CCNT1: variants seen among roughly 807,000 people sequenced by gnomAD.
CCNT1 encodes the protein cyclin T1.
A neutral mutation model predicts 67.3 loss-of-function variants in CCNT1; 18 were observed. The ratio of observed to expected loss-of-function variants is 0.27; its 90% CI spans 0.18 to 0.40. The LOEUF is 0.40. Ranked by LOEUF, CCNT1 falls within the 10% of genes least tolerant of loss-of-function variation. CCNT1 has a pLI of 1.00. For missense variants in CCNT1, 744 were observed against 884.9 expected, an observed-to-expected ratio of 0.84 and a Z score of 2.02; for synonymous variants, 333 against 310.3, an observed-to-expected ratio of 1.07 and a Z score of -0.77.
chr12:48,700,981 TA>T, intron 4 of CCNT1, 31 bp downstream of exon 4: 10 of 1,304,864 alleles, frequency 7.7e-6, no homozygotes, highest in Non-Finnish European at 7.6e-6. Flanking sequence ...TTGCATAATT[TA>T]AAAAAATGTT....
intron 6 of CCNT1, among the ~76,000 whole-genome samples, chr12:48,697,534 A>AAAAAAAAAAAAAATATAT (rs1288926072): frequency 4.6e-5 from 6 of 130,708 alleles, no homozygotes; most frequent in African/African-American, 1.2e-4. Flanking sequence ...AAAAAAAAAA[A>AAAAAAAAAAAAAATATAT]ATATATATAT....
At chr12:48,714,971 C>G (rs1449166523) in intron 1 of CCNT1, among the ~76,000 whole-genome samples, 2 of 152,100 alleles carry the variant, frequency 1.3e-5, no homozygotes, top group Non-Finnish European at 2.9e-5. Flanking sequence ...CACCAACAGA[C>G]CTGGCTACTT....
At position 48,716,707 on chromosome 12, in the gene CCNT1, T is replaced by C. The variant is rs748377090; in HGVS notation, c.-32A>G. 2.5e-6 allele frequency: 4 copies of C among 1,605,334 alleles called. No individual in the cohort carries two copies. The highest frequency in any genetic ancestry group is 3.4e-6 in the Non-Finnish European group (4 of 1,173,944). On this transcript the variant is annotated 5_prime_UTR_variant, in exon 1 of 9. Transcript: ENST00000261900. Reference sequence around the variant, plus strand: ...TCAACCAGAAGGCAGCGGCGAAGGCTGCAGGCACTTCCCAGCGTCACCTAA... The same window carrying C: ...TCAACCAGAAGGCAGCGGCGAAGGCCGCAGGCACTTCCCAGCGTCACCTAA...
intron 2 of CCNT1, among the ~76,000 whole-genome samples, chr12:48,710,963 A>C (rs935023804): frequency 1.3e-5 from 2 of 152,096 alleles, no homozygotes; most frequent in African/African-American, 4.8e-5. Flanking sequence ...CGGGAGGCTG[A>C]GACAGGAGAA....
chr12:48,710,161 G>C (rs1278978774), intron 2 of CCNT1, among the ~76,000 whole-genome samples: 1 of 149,840 alleles, frequency 6.7e-6, no homozygotes, highest in Non-Finnish European at 1.5e-5. Context: ...CAAAGTGCTA[G>C]GATTACAGGC....
rs1565614052 is a variant in CCNT1, at chr12:48,691,388, C to T, written c.*1645G>A. On this transcript the variant is annotated 3_prime_UTR_variant, in exon 9 of 9. Transcript: ENST00000261900. ...AAAATCCTTGGCATGAAGTAAGCTG[C>T]AATCAAATCATGAAAACAAACTCAA... 1 of 152,104 alleles carries T rather than the reference C, an allele frequency of 6.6e-6. No individual in the cohort carries two copies. Among genetic ancestry groups the T allele is most frequent in the Non-Finnish European group, 1.5e-5 (1 of 68,008 alleles). 9.4% of individuals were successfully genotyped at this position (152,104 alleles called of 1,614,324 possible).
intron 1 of CCNT1, 86 bp downstream of exon 1, chr12:48,716,429 T>G: frequency 7.9e-7 from 1 of 1,270,434 alleles, no homozygotes; most frequent in East Asian, 2.5e-5. Flanking sequence ...CTTCCCCACT[T>G]TCGTCCCCCC....
At position 48,691,829 on chromosome 12, in the gene CCNT1, A is replaced by T. The variant is rs1940079208; in HGVS notation, c.*1204T>A. ...TTTCCCTTCGGATATACACATAAAA[A>T]GCATGTCTTACATTTATAATGTAAT... On this transcript the variant is annotated 3_prime_UTR_variant, in exon 9 of 9. Transcript: ENST00000261900. 6.6e-6 allele frequency: 1 copy of T among 152,230 alleles called. No homozygotes were observed. The highest frequency in any genetic ancestry group is 2.1e-4 in the South Asian group (1 of 4,832). 9.4% of individuals were successfully genotyped at this position (152,230 alleles called of 1,614,324 possible).
Position 48,691,325 on chromosome 12 carries a change from A to T in CCNT1, c.*1708T>A, listed in dbSNP as rs577466299. ...GCATAAGTACAACTCCTGTCTCCCT[A>T]TGACTTCCAAATGAAAAATAATTCG... On this transcript the variant is annotated 3_prime_UTR_variant, in exon 9 of 9. Coordinates refer to ENST00000261900, the MANE Select transcript of CCNT1 (RefSeq NM_001240.4). The T allele has an allele frequency of 6.6e-6, 1 of 152,148 alleles. No homozygotes were observed. Among genetic ancestry groups the T allele is most frequent in the Non-Finnish European group, 1.5e-5 (1 of 68,024 alleles). The allele number at this position is 152,148 out of a possible 1,614,324, so 9.4% of individuals were successfully genotyped here.
At position 48,691,243 on chromosome 12, in the gene CCNT1, A is replaced by G. The variant is rs1940067997; in HGVS notation, c.*1790T>C. 1 of 152,246 alleles carries G rather than the reference A, an allele frequency of 6.6e-6. No individual in the cohort carries two copies. The highest frequency in any genetic ancestry group is 6.5e-5 in the Admixed American group (1 of 15,274). The allele number at this position is 152,246 out of a possible 1,614,324, so 9.4% of individuals were successfully genotyped here. A position where few individuals can be genotyped will look rare whatever the true frequency, so the allele number is the denominator to read the frequency against. ...AAATTCCTTTCTATATTAGGCCAGT[A>G]CATCATCAATTCCAACAGCCACAAT... On this transcript the variant is annotated 3_prime_UTR_variant, in exon 9 of 9. Transcript: ENST00000261900.
intron 7 of CCNT1, 80 bp from the exon 8 acceptor site, chr12:48,695,909 A>G: frequency 6.6e-7 from 1 of 1,512,054 alleles, no homozygotes; most frequent in Non-Finnish European, 9.2e-7. Flanking sequence ...CTACTAACTA[A>G]CTATTTTCAT....
intron 3 of CCNT1, among the ~76,000 whole-genome samples, chr12:48,702,946 C>A (rs1266938422): frequency 3.9e-5 from 6 of 151,962 alleles, no homozygotes; most frequent in African/African-American, 9.7e-5. Context: ...CATGGTAAGA[C>A]CCCTATCTCT....
Position 48,693,621 on chromosome 12 carries a change from G to A in CCNT1, c.1593C>T (p.Ser531=). 6.2e-7 allele frequency: 1 copy of A among 1,614,148 alleles called. No homozygotes were observed. Among genetic ancestry groups the A allele is most frequent in the Non-Finnish European group, 8.5e-7 (1 of 1,180,036 alleles). ...HNHHSHKHSH[S]QLPVGTGNKR... is the part of the protein sequence containing the mutation. ...TGTTCCCAGTACCAACTGGAAGTTG[G>A]GAATGAGAGTGCTTGTGTGAGTGGT... The change falls in exon 9 of 9, where the codon TCC becomes TCT. Residue 531 remains serine, a synonymous_variant. Coordinates refer to ENST00000261900, the MANE Select transcript of CCNT1 (RefSeq NM_001240.4).
chr12:48,690,618 CTA>C lies in CCNT1; in HGVS notation c.*2413_*2414del, dbSNP rs1940057128. 6.6e-6 allele frequency: 1 copy of C among 152,174 alleles called. No individual in the cohort carries two copies. The highest frequency in any genetic ancestry group is 6.5e-5 in the Admixed American group (1 of 15,272). The allele number at this position is 152,174 out of a possible 1,614,324, so 9.4% of individuals were successfully genotyped here. A position where few individuals can be genotyped will look rare whatever the true frequency, so the allele number is the denominator to read the frequency against. On this transcript the variant is annotated 3_prime_UTR_variant, in exon 9 of 9. Coordinates refer to ENST00000261900, the MANE Select transcript of CCNT1 (RefSeq NM_001240.4). ...AACACAGAAAGGTCTCTAAACTGAC[CTA>C]TGTCAGCAATGATCTACTAGTGCAA...
intron 6 of CCNT1, chr12:48,697,853 A>ATATATATATAT (rs1489598845): frequency 1.6e-5 from 2 of 122,116 alleles, no homozygotes; most frequent in Admixed American, 8.2e-5. Context: ...AAAAAAAAAA[A>ATATATATATAT]AAATATATAT....
chr12:48,694,033 G>A lies in CCNT1; in HGVS notation c.1181C>T (p.Ala394Val), dbSNP rs144628875. The change falls in exon 9 of 9, where the codon GCG becomes GTG. Residue 394 changes from alanine (A) to valine (V), a missense_variant. Physicochemically the swap from Ala to Val is moderately conservative, Grantham distance 64. Transcript: ENST00000261900. ...SAKVSLKEYR[A>V]KHAEELAAQK... The stretch of plus-strand genomic sequence containing the variant: ...GGCAGCCAATTCTTCTGCATGCTTC[G>A]CGCGGTATTCTTTCAGTGACACTTT... 4.6e-5 allele frequency: 74 copies of A among 1,614,106 alleles called. No homozygotes were observed. The highest frequency in any genetic ancestry group is 1.6e-4 in the Middle Eastern group (1 of 6,062).
At chr12:48,695,140 A>C (rs1342907288) in intron 8 of CCNT1, among the ~76,000 whole-genome samples, 1 of 152,174 alleles carries the variant, frequency 6.6e-6, no homozygotes, top group Non-Finnish European at 1.5e-5. Context: ...GCCTACTTCT[A>C]ATCTCAGGCT....
intron 3 of CCNT1, among the ~76,000 whole-genome samples, chr12:48,704,636 C>A (rs1940326492): frequency 6.6e-6 from 1 of 152,194 alleles, no homozygotes; most frequent in African/African-American, 2.4e-5. Flanking sequence ...TGGTGAAACC[C>A]TGTCTCTGCT....
At position 48,690,191 on chromosome 12, in the gene CCNT1, G is replaced by A. The variant is rs1167306984; in HGVS notation, c.*2842C>T. The stretch of plus-strand genomic sequence containing the variant: ...TAAAAGCCTTAAGGACAATCCACAG[G>A]TATTTGTTTTTGCCAACACGAGTCT... On this transcript the variant is annotated 3_prime_UTR_variant, in exon 9 of 9. Transcript: ENST00000261900. 2 of 152,168 alleles carry A rather than the reference G, an allele frequency of 1.3e-5. No homozygotes were observed. The highest frequency in any genetic ancestry group is 2.1e-4 in the South Asian group (1 of 4,830). The allele number at this position is 152,168 out of a possible 1,614,324, so 9.4% of individuals were successfully genotyped here.
Sources: gnomAD v4.1 joint callset for allele counts (sites outside exome capture counted in the v4.1 genomes callset) on GRCh38, gnomAD v4.1.1 for gene constraint, MANE v1.5 for transcripts, NCBI Gene and HGNC (gene_info 2026-07-23, HGNC 2026-07-21) for gene names.